The following RBFOX1 variants were observed in gnomAD, a reference collection of about 807,000 sequenced individuals.
The protein encoded by RBFOX1 is RNA binding protein fox-1 homolog 1.
A neutral mutation model predicts 57.7 loss-of-function variants in RBFOX1; 8 were observed. The observed-to-expected ratio is 0.14, with a 90% CI of 0.08 to 0.25. The LOEUF (loss-of-function observed/expected upper bound fraction) is 0.25, where lower values mean the gene tolerates loss of function less well. Ranked by LOEUF, RBFOX1 falls within the 10% of genes least tolerant of loss-of-function variation. The pLI is 1.00. For synonymous variants in RBFOX1, 326 were observed against 222.4 expected (o/e 1.47, Z -4.15); for missense variants, 611 against 548.5 (o/e 1.11, Z -1.14).
intron 1 of RBFOX1, among the ~76,000 whole-genome samples, chr16:5,251,992 T>C (rs2062464073): frequency 1.3e-5 from 2 of 152,242 alleles, no homozygotes; most frequent in Admixed American, 1.3e-4. Flanking sequence ...TGCTGTGTAT[T>C]CTAGGCCTGA....
chr16:6,094,182 A>C (rs1258437921), intron 1 of RBFOX1, among the ~76,000 whole-genome samples: 1 of 152,182 alleles, frequency 6.6e-6, no homozygotes, highest in Non-Finnish European at 1.5e-5. Flanking sequence ...TCAGAGGAGG[A>C]GATCCTCCCA....
chr16:6,202,202 AC>A (rs2097219884), intron 1 of RBFOX1, among the ~76,000 whole-genome samples: 1 of 152,186 alleles, frequency 6.6e-6, no homozygotes, highest in African/African-American at 2.4e-5. Flanking sequence ...TTTGCTTTAC[AC>A]ATTTATTTAG....
intron 3 of RBFOX1, among the ~76,000 whole-genome samples, chr16:5,765,099 T>A (rs180683936): frequency 6.6e-6 from 1 of 152,312 alleles, no homozygotes; most frequent in African/African-American, 2.4e-5. Flanking sequence ...CATGTTTGCA[T>A]GAAAGCATCT....
intron 7 of RBFOX1, among the ~76,000 whole-genome samples, chr16:7,594,445 G>T (rs1302993976): frequency 1.3e-5 from 2 of 152,128 alleles, no homozygotes; most frequent in Non-Finnish European, 2.9e-5. Flanking sequence ...TGTTCGAAAG[G>T]TTGGTGTATA....
intron 2 of RBFOX1, among the ~76,000 whole-genome samples, chr16:6,328,664 G>C (rs1022546888): frequency 6.6e-6 from 1 of 152,120 alleles, no homozygotes; most frequent in Non-Finnish European, 1.5e-5. Flanking sequence ...ATCCTTCTCA[G>C]CTCCAGTTTC....
chr16:7,656,072 G>C (rs1438080133), intron 12 of RBFOX1, among the ~76,000 whole-genome samples: 1 of 152,184 alleles, frequency 6.6e-6, no homozygotes. Context: ...TTTGGTTATA[G>C]TGGTGGATTG....
chr16:7,185,279 G>A (rs562488698), intron 4 of RBFOX1, among the ~76,000 whole-genome samples: 26 of 152,056 alleles, frequency 1.7e-4, no homozygotes, highest in African/African-American at 6.0e-4. Context: ...GTGTTTGCAC[G>A]TATTTTTTTT....
chr16:5,495,105 G>A (rs910916896), intron 2 of RBFOX1, among the ~76,000 whole-genome samples: 1 of 152,222 alleles, frequency 6.6e-6, no homozygotes, highest in South Asian at 2.1e-4. Flanking sequence ...GCTGTGCATG[G>A]CTGAGGAGGC....
intron 4 of RBFOX1, among the ~76,000 whole-genome samples, chr16:7,476,433 A>C (rs1034168469): frequency 5.9e-5 from 9 of 152,234 alleles, no homozygotes. Flanking sequence ...CCTGACACGT[A>C]AAGATCACTT....
intron 4 of RBFOX1, among the ~76,000 whole-genome samples, chr16:7,081,497 C>G (rs544544891): frequency 5.0e-4 from 76 of 152,174 alleles, no homozygotes; most frequent in Non-Finnish European, 4.1e-4. Context: ...CCTCCCAAGG[C>G]TAGAAAAATA....
intron 1 of RBFOX1, among the ~76,000 whole-genome samples, chr16:6,117,613 C>T (rs1209781920): frequency 3.3e-5 from 5 of 152,272 alleles, no homozygotes; most frequent in African/African-American, 1.2e-4. Context: ...ACACAGCATT[C>T]CTCTCCTCTG....
intron 3 of RBFOX1, among the ~76,000 whole-genome samples, chr16:6,781,237 ATT>A (rs1445959586): frequency 4.6e-5 from 7 of 152,034 alleles, no homozygotes; most frequent in Non-Finnish European, 1.0e-4. Flanking sequence ...ACATTTATTG[ATT>A]TGTCTTTGTT....
intron 4 of RBFOX1, chr16:7,510,426 G>C: frequency 2.5e-6 from 2 of 800,634 alleles, no homozygotes; most frequent in Non-Finnish European, 3.0e-6. Flanking sequence ...CTTGCTGCTT[G>C]AATCATGCCC....
At chr16:6,735,960 A>T (rs375840844) in intron 3 of RBFOX1, among the ~76,000 whole-genome samples, 2 of 740 alleles carry the variant, frequency 2.7e-3, no homozygotes, top group Non-Finnish European at 4.9e-3. Context: ...TTTGGAATAA[A>T]TAAGGTTTGC....
At chr16:6,945,404 G>A (rs1050964220) in intron 3 of RBFOX1, among the ~76,000 whole-genome samples, 4 of 148,054 alleles carry the variant, frequency 2.7e-5, no homozygotes, top group East Asian at 1.9e-4. Context: ...TTTCTAGATG[G>A]CCATGCAGGA....
chr16:6,717,978 C>T (rs561020604), intron 3 of RBFOX1, among the ~76,000 whole-genome samples: 1 of 152,296 alleles, frequency 6.6e-6, no homozygotes, highest in African/African-American at 2.4e-5. Context: ...AGGTGGCCTT[C>T]TCTCCCCTGC....
chr16:6,285,926 A>G (rs2076861136), intron 1 of RBFOX1, among the ~76,000 whole-genome samples: 1 of 152,184 alleles, frequency 6.6e-6, no homozygotes, highest in African/African-American at 2.4e-5. Context: ...AAATAAATTG[A>G]GGCTTCTTGT....
chr16:5,880,084 C>G (rs1382304611), intron 4 of RBFOX1, among the ~76,000 whole-genome samples: 1 of 152,204 alleles, frequency 6.6e-6, no homozygotes, highest in African/African-American at 2.4e-5. Context: ...CTATTCTCAT[C>G]TCAGTTCTGT....
Position 6,178,046 on chromosome 16 carries a change from C to T in RBFOX1, c.-126-138949C>T, listed in dbSNP as rs533121890. ...ACTTTGTTTTGAGACATTAGTGTTT[C>T]AGGATTTTATTTTTCCCTAAAATAT... On this transcript the variant is annotated intron_variant, in intron 1 of 15. Coordinates refer to ENST00000550418, the MANE Select transcript of RBFOX1 (RefSeq NM_018723.4). Among the ~76,000 whole-genome samples the T allele has an allele frequency of 2.0e-5, 3 of 151,834 alleles. No individual in the cohort carries two copies. In the South Asian group the frequency reaches 6.2e-4, roughly 31 times the overall value.
Sources: allele counts gnomAD v4.1 joint callset (sites outside exome capture counted in the v4.1 genomes callset), GRCh38; gene constraint gnomAD v4.1.1; transcripts MANE v1.5; gene names NCBI Gene and HGNC (gene_info 2026-07-23, HGNC 2026-07-21).